Variants in CHD6 observed in about 807,000 individuals in gnomAD.
The protein encoded by CHD6 is chromodomain helicase DNA binding protein 6, also known as ATP-dependent chromatin remodeler CHD6.
Under a neutral mutation model 276.9 loss-of-function variants are expected in CHD6, and 50 were observed. The observed-to-expected ratio is 0.18, with a 90% CI of 0.14 to 0.23. The LOEUF (loss-of-function observed/expected upper bound fraction) is 0.23. CHD6 is among the 10% of genes least tolerant of loss of function. The pLI is 1.00. For synonymous variants in CHD6, 1,173 were observed against 1,229.3 expected (o/e 0.95, Z 0.96); for missense variants, 2,564 against 3,365.8 (o/e 0.76, Z 5.89).
intron 6 of CHD6, 117 bp from the exon 7 acceptor site, chr20:41,498,343 A>G (rs958044838): frequency 2.6e-6 from 2 of 760,198 alleles, no homozygotes; most frequent in East Asian, 2.9e-5. Context: ...TTCTTAAGGC[A>G]TATTTTCATT....
intron 17 of CHD6, among the ~76,000 whole-genome samples, chr20:41,459,673 C>A (rs1043537744): frequency 2.0e-5 from 3 of 152,240 alleles, no homozygotes; most frequent in Non-Finnish European, 2.9e-5. Flanking sequence ...CATGTAAGAA[C>A]AGCCTTTCGC....
intron 23 of CHD6, among the ~76,000 whole-genome samples, chr20:41,448,404 T>C (rs548552490): frequency 6.6e-6 from 1 of 152,360 alleles, no homozygotes; most frequent in South Asian, 2.1e-4. Flanking sequence ...AGTGTCTATT[T>C]TTCGTGGCAA....
At chr20:41,518,098 T>G (rs11086806) in intron 3 of CHD6, among the ~76,000 whole-genome samples, 69,074 of 152,086 alleles carry the variant, frequency 0.45, 17,077 homozygotes, top group African/African-American at 0.66. Flanking sequence ...AAAGAAAGCT[T>G]ACAATATCCC....
At chr20:41,584,764 A>G (rs2045575983) in intron 1 of CHD6, among the ~76,000 whole-genome samples, 1 of 152,190 alleles carries the variant, frequency 6.6e-6, no homozygotes, top group Non-Finnish European at 1.5e-5. Flanking sequence ...AATAGAATCA[A>G]AATCAAAACA....
intron 1 of CHD6, among the ~76,000 whole-genome samples, chr20:41,565,628 C>A (rs2045346843): frequency 6.9e-6 from 1 of 144,270 alleles, no homozygotes; most frequent in African/African-American, 2.7e-5. Flanking sequence ...AATGATCTGC[C>A]CAAAGCTTCA....
intron 29 of CHD6, among the ~76,000 whole-genome samples, chr20:41,424,305 T>C (rs2047291962): frequency 6.6e-6 from 1 of 152,200 alleles, no homozygotes; most frequent in Admixed American, 6.5e-5. Flanking sequence ...CTTTATATCC[T>C]ATACGAGTAA....
chr20:41,613,871 C>T (rs190475161), intron 1 of CHD6, among the ~76,000 whole-genome samples: 2 of 152,098 alleles, frequency 1.3e-5, no homozygotes, highest in Admixed American at 1.3e-4. Flanking sequence ...CACAGACCAG[C>T]CAAAGACTCC....
intron 27 of CHD6, among the ~76,000 whole-genome samples, chr20:41,431,776 CTTTTT>C (rs61227802): frequency 9.5e-6 from 1 of 104,762 alleles, no homozygotes; most frequent in Non-Finnish European, 2.0e-5. Flanking sequence ...AAAAAACATG[CTTTTT>C]TTTTTTTTTT....
Position 41,452,702 on chromosome 20 carries a change from C to A in CHD6, c.3323+38G>T, listed in dbSNP as rs780874697. 1.2e-5 allele frequency: 19 copies of A among 1,574,322 alleles called. No individual in the cohort carries two copies. Among genetic ancestry groups the A allele is most frequent in the Admixed American group, 1.7e-5 (1 of 58,058 alleles). On this transcript the variant is annotated intron_variant, in intron 21 of 36. Transcript: ENST00000373233. The surrounding 1 kb of genome is among the most constrained non-coding windows in gnomAD (Gnocchi z 4.2). ...GGACTGAAAAACAGAGGGGAACAAACAACAATAACAACAAAACTAAGCAGA... is the reference window on the plus strand; with the variant it reads ...GGACTGAAAAACAGAGGGGAACAAAAAACAATAACAACAAAACTAAGCAGA...
rs2145866840 is a variant in CHD6 at position 41,491,642 on chromosome 20, C to T, written c.1436+56G>A. 1.2e-5 allele frequency: 19 copies of T among 1,609,908 alleles called. No homozygotes were observed. In the South Asian group the frequency reaches 1.4e-4, roughly 12 times the overall value. Reference sequence around the variant, plus strand: ...CTACTGCGACTCTAGGTGTTCCAGGCTAAGGCAATAATATACCTCTGGGTA... The same window carrying T: ...CTACTGCGACTCTAGGTGTTCCAGGTTAAGGCAATAATATACCTCTGGGTA... On this transcript the variant is annotated intron_variant, in intron 11 of 36. Transcript: ENST00000373233.
At position 41,533,622 on chromosome 20, in the gene CHD6, CAA is replaced by C. The variant is rs2044747049; in HGVS notation, c.34-54_34-53del. 2.0e-6 allele frequency: 3 copies of C among 1,475,714 alleles called. No homozygotes were observed. The African/African-American group carries it at 4.2e-5, about 21-fold the overall frequency. 91.4% of individuals were successfully genotyped at this position (1,475,714 alleles called of 1,614,324 possible). A position where few individuals can be genotyped will look rare whatever the true frequency, so the allele number is the denominator to read the frequency against. ...TTACCCTTCCAATTCATGCTTCAGA[CAA>C]AGAGAGTTACCCAGTTTGAATACAT... is the stretch of plus-strand genomic sequence containing the variant. On this transcript the variant is annotated intron_variant, in intron 2 of 36. Transcript: ENST00000373233.
At chr20:41,509,757 T>A (rs1328437556) in intron 5 of CHD6, among the ~76,000 whole-genome samples, 1 of 152,164 alleles carries the variant, frequency 6.6e-6, no homozygotes. Flanking sequence ...AAAGTTTGTG[T>A]TCCAGACACC....
Position 41,423,647 on chromosome 20 carries a change from A to G in CHD6, c.4400T>C (p.Val1467Ala). The change falls in exon 30 of 37, where the codon GTT (valine) becomes GCT (alanine). Residue 1467 changes from valine (V) to alanine (A), a missense_variant. By Grantham distance (64) the Val-to-Ala change is moderately conservative (BLOSUM62 0). This residue lies in a region of CHD6 where 515 missense variants were observed against 739.5 expected (regional missense o/e 0.70). Coordinates refer to ENST00000373233, the MANE Select transcript of CHD6 (RefSeq NM_032221.5). ...GGTTTTCTTTTCTTGATCGTAAACAACACCAAAGGAAGACACTGTTCTATA... is the reference window on the plus strand; with the variant it reads ...GGTTTTCTTTTCTTGATCGTAAACAGCACCAAAGGAAGACACTGTTCTATA... The part of the protein sequence containing the change: ...DFYRTVSSFG[V>A]VYDQEKKTFD... 6.2e-7 allele frequency: 1 copy of G among 1,614,242 alleles called. No homozygotes were observed. The highest frequency in any genetic ancestry group is 1.7e-5 in the Admixed American group (1 of 60,030).
rs1182622784 is a variant in CHD6, at chr20:41,421,484, T to C, written c.5151A>G (p.Pro1717=). ...TACTTGGGCTCTCCTGAAAAGAGCT[T>C]GGTTCTTGGCTGAGCACCTTCTTAC... is the stretch of plus-strand genomic sequence containing the variant. ...MYGKKVLSQE[P]SSFQESPSTN... Residue 1717 remains proline, a synonymous_variant, in exon 31 of 37, where the codon CCA becomes CCG. Coordinates refer to ENST00000373233, the MANE Select transcript of CHD6 (RefSeq NM_032221.5). 1 of 1,613,922 alleles carries C rather than the reference T, an allele frequency of 6.2e-7. No individual in the cohort carries two copies. The highest frequency in any genetic ancestry group is 1.7e-5 in the Admixed American group (1 of 59,992).
chr20:41,558,759 C>T (rs1464496132), intron 1 of CHD6, among the ~76,000 whole-genome samples: 1 of 152,152 alleles, frequency 6.6e-6, no homozygotes, highest in African/African-American at 2.4e-5. Context: ...CCCAGTTACT[C>T]TTTCCTCATT....
rs2046588713 is a variant in CHD6 at position 41,403,614 on chromosome 20, G to C, written c.*979C>G. The C allele has an allele frequency of 1.9e-6, 2 of 1,062,200 alleles. No individual in the cohort carries two copies. Among genetic ancestry groups the C allele is most frequent in the Non-Finnish European group, 2.3e-6 (2 of 877,428 alleles). The allele number at this position is 1,062,200 out of a possible 1,614,324, so 65.8% of individuals were successfully genotyped here. On this transcript the variant is annotated 3_prime_UTR_variant, in exon 37 of 37. Transcript: ENST00000373233. ...TTGATCAAAGGACCTACTAGCAAGT[G>C]TCAAAGTGTTGGGCAACTGTCTTCT...
chr20:41,468,524 TGTCA>T (rs2042981391), intron 17 of CHD6, among the ~76,000 whole-genome samples: 1 of 152,246 alleles, frequency 6.6e-6, no homozygotes, highest in South Asian at 2.1e-4. Flanking sequence ...GAAATAAAAC[TGTCA>T]GTCTAGCTCA....
Position 41,499,345 on chromosome 20 carries a change from C to G in CHD6, c.865G>C (p.Asp289His). ...ATCTTCTCAATGATGTTTGCATCAT[C>G]TTCTGGAGGCTCCTGGGGACAAAGA... is the stretch of plus-strand genomic sequence containing the variant. ...LAWQAEEPPE[D>H]DANIIEKILA... The change falls in exon 6 of 37, where the codon GAT (aspartate) becomes CAT (histidine). Residue 289 changes from aspartate (D) to histidine (H), a missense_variant. Transcript: ENST00000373233. The G allele has an allele frequency of 1.2e-6, 2 of 1,602,398 alleles. No homozygotes were observed. Among genetic ancestry groups the G allele is most frequent in the South Asian group, 1.1e-5 (1 of 88,946 alleles).
Position 41,421,555 on chromosome 20 carries a change from G to A in CHD6, c.5080C>T (p.His1694Tyr), listed in dbSNP as rs767251376. The A allele has an allele frequency of 4.3e-6, 7 of 1,613,012 alleles. No homozygotes were observed. Among genetic ancestry groups the A allele is most frequent in the Non-Finnish European group, 5.9e-6 (7 of 1,179,506 alleles). Reference sequence around the variant, plus strand: ...GACTCAGGCAGCAGACTTTCATCATGGTTGATGGAAATGACATCCTGAACT... The same window carrying A: ...GACTCAGGCAGCAGACTTTCATCATAGTTGATGGAAATGACATCCTGAACT... The part of the protein sequence containing the change: ...SKVQDVISIN[H>Y]DESLLPESLE... The change falls in exon 31 of 37, where the codon CAT becomes TAT. Residue 1694 changes from histidine to tyrosine, a missense_variant. By Grantham distance (83) the His-to-Tyr change is moderately conservative. Coordinates refer to ENST00000373233, the MANE Select transcript of CHD6 (RefSeq NM_032221.5).
Sources: gnomAD v4.1 joint callset for allele counts (sites outside exome capture counted in the v4.1 genomes callset) on GRCh38, gnomAD v4.1.1 for gene constraint, gnomAD v4.1.1 regional missense constraint, Gnocchi (gnomAD v3.1) non-coding constraint, MANE v1.5 for transcripts, NCBI Gene and HGNC (gene_info 2026-07-23, HGNC 2026-07-21) for gene names.